The following ANK3 variants were observed in gnomAD, a reference collection of about 807,000 sequenced individuals.
The protein encoded by ANK3 is ankyrin 3, also known as ankyrin-3.
Under a neutral mutation model 370.9 loss-of-function variants are expected in ANK3, and 57 were observed. The ratio of observed to expected loss-of-function variants is 0.15; its 90% CI spans 0.12 to 0.19. ANK3 has a LOEUF of 0.19. Ranked by LOEUF, ANK3 falls within the 10% of genes least tolerant of loss-of-function variation. The pLI is 1.00. For synonymous variants in ANK3, 1,929 were observed against 1,946.3 expected, an observed-to-expected ratio of 0.99 and a Z score of 0.23; for missense variants, 4,439 against 5,302.1, an observed-to-expected ratio of 0.84 and a Z score of 5.06.
chr10:60,416,802 G>A (rs2063678115), intron 2 of ANK3, among the ~76,000 whole-genome samples: 1 of 152,116 alleles, frequency 6.6e-6, no homozygotes, highest in African/African-American at 2.4e-5. Context: ...GACTTTTACT[G>A]GGCAGTGATG....
At chr10:60,666,462 G>A (rs190679672) in intron 1 of ANK3, among the ~76,000 whole-genome samples, 5 of 152,274 alleles carry the variant, frequency 3.3e-5, no homozygotes, top group Non-Finnish European at 7.4e-5. Flanking sequence ...TTAAGTCAGC[G>A]TAACATCCAT....
At chr10:60,514,034 CT>C (rs2076154689) in intron 2 of ANK3, among the ~76,000 whole-genome samples, 1 of 152,138 alleles carries the variant, frequency 6.6e-6, no homozygotes, top group African/African-American at 2.4e-5. Flanking sequence ...GGATGAAGAT[CT>C]TTATAATTAT....
chr10:60,482,214 C>A (rs537372032), intron 2 of ANK3, among the ~76,000 whole-genome samples: 3 of 152,280 alleles, frequency 2.0e-5, no homozygotes, highest in Admixed American at 2.0e-4. Flanking sequence ...ACCTGCCCAA[C>A]AATAATCACA....
intron 12 of ANK3, 83 bp downstream of exon 12, chr10:60,202,919 A>C: frequency 1.1e-6 from 1 of 947,228 alleles, no homozygotes; most frequent in Non-Finnish European, 1.6e-6. Context: ...AAAAAAATAA[A>C]AAATAAAAAA....
At chr10:60,220,253 A>G (rs2097023230) in intron 8 of ANK3, among the ~76,000 whole-genome samples, 1 of 152,138 alleles carries the variant, frequency 6.6e-6, no homozygotes, top group African/African-American at 2.4e-5. Flanking sequence ...TGCAGATTCT[A>G]AGTAAAAAAT....
chr10:60,416,043 T>C (rs960522736), intron 2 of ANK3, among the ~76,000 whole-genome samples: 1 of 149,952 alleles, frequency 6.7e-6, no homozygotes, highest in Non-Finnish European at 1.5e-5. Flanking sequence ...TTAGTGTCCC[T>C]ATTAAAAAAA....
intron 1 of ANK3, among the ~76,000 whole-genome samples, chr10:60,356,260 T>A (rs1241598811): frequency 6.6e-6 from 1 of 152,204 alleles, no homozygotes; most frequent in Non-Finnish European, 1.5e-5. Flanking sequence ...GAAATTTGAG[T>A]TCTGAGTTCA....
At chr10:60,248,167 GC>G (rs1365465281) in intron 7 of ANK3, among the ~76,000 whole-genome samples, 3 of 152,094 alleles carry the variant, frequency 2.0e-5, no homozygotes, top group African/African-American at 7.2e-5. Flanking sequence ...TTGAGAACCT[GC>G]TTTTCATTAT....
intron 23 of ANK3, chr10:60,140,181 C>T: frequency 3.0e-6 from 2 of 670,486 alleles, no homozygotes; most frequent in Non-Finnish European, 5.1e-6. Flanking sequence ...TCTAAAAATA[C>T]ACTGTCAACT....
At chr10:60,415,962 T>C (rs2063659468) in intron 2 of ANK3, among the ~76,000 whole-genome samples, 1 of 117,496 alleles carries the variant, frequency 8.5e-6, no homozygotes, top group Non-Finnish European at 1.7e-5. Context: ...TACCCCTCAA[T>C]GTGATGGTAT....
At chr10:60,462,196 C>CA (rs146157734) in intron 2 of ANK3, among the ~76,000 whole-genome samples, 15,052 of 146,186 alleles carry the variant, frequency 0.1, 775 homozygotes, top group East Asian at 0.15. Context: ...AACAAACAAA[C>CA]AAAAAAAAAA....
intron 20 of ANK3, 89 bp from the exon 21 acceptor site, chr10:60,172,492 A>C: frequency 1.0e-6 from 1 of 992,838 alleles, no homozygotes; most frequent in Non-Finnish European, 1.6e-6. Flanking sequence ...GTGTCTCATC[A>C]GACCCATCCC....
chr10:60,497,717 T>C (rs1177797505), intron 2 of ANK3, among the ~76,000 whole-genome samples: 4 of 152,176 alleles, frequency 2.6e-5, no homozygotes. Flanking sequence ...TAGCCATCTA[T>C]TTTAAAAATA....
intron 1 of ANK3, among the ~76,000 whole-genome samples, chr10:60,674,523 C>G (rs1382426334): frequency 6.6e-6 from 1 of 152,136 alleles, no homozygotes; most frequent in Non-Finnish European, 1.5e-5. Context: ...GGGGAGGACA[C>G]CAAGCCACTC....
chr10:60,228,864 T>C (rs1409494113), intron 8 of ANK3, among the ~76,000 whole-genome samples: 4 of 152,192 alleles, frequency 2.6e-5, no homozygotes, highest in African/African-American at 7.2e-5. Context: ...AAAATAAAAC[T>C]GTCCTGAGCC....
chr10:60,452,329 A>G (rs1404082556), intron 2 of ANK3, among the ~76,000 whole-genome samples: 1 of 152,228 alleles, frequency 6.6e-6, no homozygotes, highest in Non-Finnish European at 1.5e-5. Flanking sequence ...TCAGCACGAG[A>G]GTTGCTTCTA....
chr10:60,037,148 GCC>G (rs2075189710), intron 43 of ANK3, among the ~76,000 whole-genome samples: 3 of 152,226 alleles, frequency 2.0e-5, no homozygotes, highest in African/African-American at 7.2e-5. Flanking sequence ...CCCAGCTGAA[GCC>G]ACCATTATGG....
chr10:60,391,468 C>G (rs1204154378), upstream of ANK3, among the ~76,000 whole-genome samples: 1 of 152,188 alleles, frequency 6.6e-6, no homozygotes, highest in Non-Finnish European at 1.5e-5. Flanking sequence ...GTATTAGTAA[C>G]AGCTGGGGCA....
At chr10:60,355,687 T>C (rs2057619830) in intron 1 of ANK3, among the ~76,000 whole-genome samples, 1 of 152,196 alleles carries the variant, frequency 6.6e-6, no homozygotes, top group African/African-American at 2.4e-5. Context: ...AGTGCAATAT[T>C]CCTTTGTTTG....
Sources: allele counts gnomAD v4.1 joint callset (sites outside exome capture counted in the v4.1 genomes callset), GRCh38; gene constraint gnomAD v4.1.1; transcripts MANE v1.5; gene names NCBI Gene and HGNC (gene_info 2026-07-23, HGNC 2026-07-21).